The following RIN2 variants were observed in gnomAD, a reference collection of about 807,000 sequenced individuals.
RIN2 encodes RAB5 interacting protein 2.
RIN2 carries 36 observed loss-of-function variants against 78.0 expected under a neutral mutation model. That is an observed-to-expected ratio of 0.46 (90% CI 0.35 to 0.61). The LOEUF (loss-of-function observed/expected upper bound fraction) is 0.61, where lower values mean the gene tolerates loss of function less well. RIN2 is among the 20% of genes least tolerant of loss of function. RIN2 has a pLI of 0.00. For missense variants in RIN2, 1,087 were observed against 1,159.7 expected (o/e 0.94, Z 0.91); for synonymous variants, 466 against 466.8 (o/e 1.00, Z 0.02).
chr20:19,853,876 T>G (rs1473270127), intron 2 of RIN2, among the ~76,000 whole-genome samples: 3 of 152,232 alleles, frequency 2.0e-5, no homozygotes, highest in East Asian at 1.9e-4. Flanking sequence ...AGAAGCTCTT[T>G]AGTTTAATTA....
intron 5 of RIN2, 32 bp downstream of exon 5, chr20:19,956,839 A>G (rs2146238158): frequency 6.6e-7 from 1 of 1,507,614 alleles, no homozygotes; most frequent in Non-Finnish European, 8.9e-7. Context: ...AGCAGGTTGA[A>G]GCAGGCAGGA....
intron 2 of RIN2, among the ~76,000 whole-genome samples, chr20:19,818,764 A>G (rs1284872727): frequency 2.0e-5 from 3 of 152,034 alleles, no homozygotes; most frequent in East Asian, 1.9e-4. Flanking sequence ...GAAAAAAAAA[A>G]AGAAAGTAAC....
At chr20:19,883,026 G>A (rs556395098) in intron 2 of RIN2, among the ~76,000 whole-genome samples, 30 of 152,184 alleles carry the variant, frequency 2.0e-4, no homozygotes, top group African/African-American at 4.8e-4. Context: ...GATTTTTGAC[G>A]GCTCAGAACC....
chr20:19,822,992 C>A lies in RIN2; in HGVS notation c.-37+23245C>A, dbSNP rs183890249. ...TAATAATAAATAATCACTAGAATAG[C>A]TAGCATTTATTAATCATTTGTCATA... is the stretch of plus-strand genomic sequence containing the variant. On this transcript the variant is annotated intron_variant, in intron 2 of 12. Coordinates refer to ENST00000255006, the MANE Select transcript of RIN2 (RefSeq NM_018993.4). Among the ~76,000 whole-genome samples, 138 of 152,168 alleles carry A rather than the reference C, an allele frequency of 9.1e-4. 1 individual carries two copies. The highest frequency in any genetic ancestry group is 1.8e-3 in the Non-Finnish European group (120 of 68,014).
rs1045062906 is a variant in RIN2 at position 19,906,487 on chromosome 20, G to T, written c.57+16829G>T. ...AATAGCAGGAATGAATTCATCAGAG[G>T]TGTTAACCTTGGATGCTTACAGGGG... On this transcript the variant is annotated intron_variant, in intron 3 of 12. Coordinates refer to ENST00000255006, the MANE Select transcript of RIN2 (RefSeq NM_018993.4). Among the ~76,000 whole-genome samples, 8 of 152,148 alleles carry T rather than the reference G, an allele frequency of 5.3e-5. No homozygotes were observed. The South Asian group carries it at 1.7e-3, about 32-fold the overall frequency.
intron 2 of RIN2, among the ~76,000 whole-genome samples, chr20:19,826,209 A>C (rs1300324645): frequency 6.6e-6 from 1 of 152,216 alleles, no homozygotes; most frequent in Non-Finnish European, 1.5e-5. Flanking sequence ...GCATGAATAC[A>C]TTTTATCTTG....
chr20:19,849,723 C>T (rs1443505152), intron 2 of RIN2, among the ~76,000 whole-genome samples: 1 of 151,952 alleles, frequency 6.6e-6, no homozygotes, highest in Admixed American at 6.6e-5. Context: ...CAGCTGACTC[C>T]CAAAAGGAAA....
chr20:19,945,490 C>T (rs948700165), intron 4 of RIN2, among the ~76,000 whole-genome samples: 1 of 152,164 alleles, frequency 6.6e-6, no homozygotes, highest in African/African-American at 2.4e-5. Flanking sequence ...TGTCTACCCT[C>T]TACTTTCTCC....
At chr20:19,851,686 C>A (rs897869891) in intron 2 of RIN2, among the ~76,000 whole-genome samples, 2 of 152,104 alleles carry the variant, frequency 1.3e-5, no homozygotes, top group Non-Finnish European at 2.9e-5. Context: ...TGTGCTACTA[C>A]ACTCCAACCT....
intron 2 of RIN2, among the ~76,000 whole-genome samples, chr20:19,855,987 T>G (rs2037153413): frequency 6.6e-6 from 1 of 152,050 alleles, no homozygotes; most frequent in Non-Finnish European, 1.5e-5. Context: ...GGCAGGAGAA[T>G]TGCTTGAACC....
Position 19,987,030 on chromosome 20 carries a change from G to A in RIN2, c.1763-2976G>A, listed in dbSNP as rs192036741. Among the ~76,000 whole-genome samples the A allele has an allele frequency of 1.0e-3, 159 of 152,312 alleles. 1 individual carries two copies. Among genetic ancestry groups the A allele is most frequent in the Admixed American group, 2.2e-3 (34 of 15,302 alleles). The stretch of plus-strand genomic sequence containing the variant: ...GCCTGCTTTTGAACTTCATATAAAC[G>A]AAATGCTGTAGGAGATACTCTTGTG... On this transcript the variant is annotated intron_variant, in intron 9 of 12. Transcript: ENST00000255006.
At chr20:19,874,547 TC>T (rs1421735154) in intron 2 of RIN2, among the ~76,000 whole-genome samples, 11 of 152,224 alleles carry the variant, frequency 7.2e-5, no homozygotes, top group Admixed American at 3.9e-4. Flanking sequence ...CTTCCTGGTG[TC>T]AGTAATGCAC....
intron 10 of RIN2, among the ~76,000 whole-genome samples, chr20:19,990,749 G>A (rs936376381): frequency 2.0e-5 from 3 of 152,142 alleles, no homozygotes; most frequent in African/African-American, 7.2e-5. Context: ...ATAGCCCCAA[G>A]TGCAATGGAA....
At chr20:19,932,535 C>A (rs946244636) in intron 3 of RIN2, among the ~76,000 whole-genome samples, 1 of 152,168 alleles carries the variant, frequency 6.6e-6, no homozygotes, top group African/African-American at 2.4e-5. Context: ...CTCGAGGCCC[C>A]AGTGCTTCTG....
At chr20:19,766,614 C>T (rs1010641898) in intron 1 of RIN2, among the ~76,000 whole-genome samples, 55 of 152,084 alleles carry the variant, frequency 3.6e-4, no homozygotes, top group East Asian at 1.9e-4. Context: ...CAGGCAGGAG[C>T]GGCAAGTACA....
chr20:19,943,711 A>T (rs2040973155), intron 4 of RIN2, among the ~76,000 whole-genome samples: 2 of 152,120 alleles, frequency 1.3e-5, no homozygotes, highest in Admixed American at 1.3e-4. Context: ...GATAAACTGG[A>T]TGGCCTCTGA....
At chr20:19,796,371 C>T (rs1163421323) in intron 1 of RIN2, among the ~76,000 whole-genome samples, 1 of 152,176 alleles carries the variant, frequency 6.6e-6, no homozygotes, top group Non-Finnish European at 1.5e-5. Flanking sequence ...CAATGTTTTT[C>T]AAGCTGTAGG....
chr20:19,913,374 C>T (rs1285649176), intron 3 of RIN2, among the ~76,000 whole-genome samples: 1 of 152,158 alleles, frequency 6.6e-6, no homozygotes, highest in African/African-American at 2.4e-5. Flanking sequence ...TCTCAAACTC[C>T]TAGGCTCAAG....
intron 2 of RIN2, among the ~76,000 whole-genome samples, chr20:19,812,984 C>A (rs779069750): frequency 6.6e-6 from 1 of 152,156 alleles, no homozygotes; most frequent in Non-Finnish European, 1.5e-5. Flanking sequence ...TGCTTTGTAT[C>A]CACCTAACAG....
Sources: gnomAD v4.1 joint callset for allele counts (sites outside exome capture counted in the v4.1 genomes callset) on GRCh38, gnomAD v4.1.1 for gene constraint, MANE v1.5 for transcripts, NCBI Gene and HGNC (gene_info 2026-07-23, HGNC 2026-07-21) for gene names.